Variants in RCOR3 observed in about 807,000 individuals in gnomAD.
The protein encoded by RCOR3 is REST corepressor 3.
A neutral mutation model predicts 64.1 loss-of-function variants in RCOR3; 13 were observed. The ratio of observed to expected loss-of-function variants is 0.20; its 90% CI spans 0.13 to 0.32. The LOEUF (loss-of-function observed/expected upper bound fraction) is 0.32. Among genes scored for constraint, RCOR3 ranks in the 10% least tolerant of loss-of-function variants. The pLI is 1.00. For missense variants in RCOR3, 489 were observed against 701.2 expected (o/e 0.70, Z 3.42); for synonymous variants, 215 against 239.0 (o/e 0.90, Z 0.93).
chr1:211,278,960 G>T (rs1028779151), intron 6 of RCOR3, among the ~76,000 whole-genome samples: 2 of 152,132 alleles, frequency 1.3e-5, no homozygotes, highest in Non-Finnish European at 2.9e-5. Context: ...AGGCTGAGGC[G>T]GGCAGATCAC....
intron 9 of RCOR3, among the ~76,000 whole-genome samples, chr1:211,298,841 C>T (rs1402564465): frequency 1.3e-5 from 2 of 152,046 alleles, no homozygotes; most frequent in East Asian, 1.9e-4. Flanking sequence ...CCTGTCTCTA[C>T]TAAAAATACA....
chr1:211,266,182 T>A (rs1311622817), intron 2 of RCOR3, among the ~76,000 whole-genome samples: 4 of 152,180 alleles, frequency 2.6e-5, no homozygotes, highest in Non-Finnish European at 5.9e-5. Context: ...TAGTACATAT[T>A]AAGTATATAA....
At chr1:211,280,220 A>T (rs1697589109) in intron 7 of RCOR3, among the ~76,000 whole-genome samples, 1 of 152,168 alleles carries the variant, frequency 6.6e-6, no homozygotes, top group South Asian at 2.1e-4. Flanking sequence ...CCCTAAAAAC[A>T]CTTGGCAGAT....
chr1:211,304,977 T>C (rs1164199818), intron 10 of RCOR3, among the ~76,000 whole-genome samples: 1 of 152,220 alleles, frequency 6.6e-6, no homozygotes, highest in Non-Finnish European at 1.5e-5. Flanking sequence ...AATAGCTTTT[T>C]TTTTTAATCT....
At chr1:211,282,695 C>T (rs926720601) in intron 7 of RCOR3, among the ~76,000 whole-genome samples, 1 of 152,018 alleles carries the variant, frequency 6.6e-6, no homozygotes, top group African/African-American at 2.4e-5. Flanking sequence ...AATGGGGTTT[C>T]GCCATGTTGG....
chr1:211,277,106 C>G (rs1330909190), intron 5 of RCOR3, among the ~76,000 whole-genome samples: 3 of 148,864 alleles, frequency 2.0e-5, no homozygotes, highest in Non-Finnish European at 3.0e-5. Context: ...ACAAAAAAAA[C>G]AAAAAAACAA....
intron 7 of RCOR3, among the ~76,000 whole-genome samples, chr1:211,287,570 T>C (rs1037027471): frequency 2.0e-5 from 3 of 152,124 alleles, no homozygotes; most frequent in Admixed American, 2.0e-4. Context: ...CTTCGAGCAA[T>C]TAAGTGGATT....
rs1016243740 is a variant in RCOR3 at position 211,315,463 on chromosome 1, T to A, written c.*1695T>A. On this transcript the variant is annotated 3_prime_UTR_variant, in exon 12 of 12. Coordinates refer to ENST00000419091, the MANE Select transcript of RCOR3 (RefSeq NM_001136223.3). ...TCCTTTTCTTTCTCATTGAATCATC[T>A]TAAATAGTTCTTGGCCCTGAATTTA... is the stretch of plus-strand genomic sequence containing the variant. The A allele has an allele frequency of 6.6e-6, 1 of 152,240 alleles. No individual in the cohort carries two copies. The highest frequency in any genetic ancestry group is 1.5e-5 in the Non-Finnish European group (1 of 68,030). The allele number at this position is 152,240 out of a possible 1,614,324, so 9.4% of individuals were successfully genotyped here. A position where few individuals can be genotyped will look rare whatever the true frequency, so the allele number is the denominator to read the frequency against.
intron 2 of RCOR3, among the ~76,000 whole-genome samples, chr1:211,268,083 A>G (rs1344157573): frequency 1.3e-5 from 2 of 152,140 alleles, no homozygotes; most frequent in African/African-American, 2.4e-5. Flanking sequence ...TCTTTGTTGC[A>G]TTTCGTGTTC....
intron 3 of RCOR3, among the ~76,000 whole-genome samples, chr1:211,273,819 C>T (rs1346813439): frequency 2.0e-5 from 3 of 151,972 alleles, no homozygotes; most frequent in Admixed American, 6.6e-5. Flanking sequence ...TGGATCAACT[C>T]GAAATATGTG....
intron 7 of RCOR3, among the ~76,000 whole-genome samples, chr1:211,288,774 TGC>T (rs1698886736): frequency 6.6e-6 from 1 of 151,948 alleles, no homozygotes; most frequent in Non-Finnish European, 1.5e-5. Flanking sequence ...ATTTCTAAAT[TGC>T]CCCCTTTTTT....
chr1:211,300,987 T>C (rs1311148289), intron 9 of RCOR3, among the ~76,000 whole-genome samples: 1 of 152,102 alleles, frequency 6.6e-6, no homozygotes, highest in Non-Finnish European at 1.5e-5. Flanking sequence ...ACCGAAAAAC[T>C]AGTGGTCCAC....
At chr1:211,300,738 A>T (rs1464667421) in intron 9 of RCOR3, among the ~76,000 whole-genome samples, 1 of 152,246 alleles carries the variant, frequency 6.6e-6, no homozygotes, top group Non-Finnish European at 1.5e-5. Flanking sequence ...ATTTAGCAAT[A>T]GCAAGTGCAG....
intron 9 of RCOR3, 51 bp from the exon 10 acceptor site, chr1:211,304,032 A>G: frequency 3.0e-6 from 4 of 1,339,418 alleles, no homozygotes; most frequent in Non-Finnish European, 3.1e-6. Context: ...AGCGCTTTGG[A>G]AAATGTCTGT....
At chr1:211,294,586 C>CTTTTTTTT (rs35962546) in intron 8 of RCOR3, among the ~76,000 whole-genome samples, 43 of 88,010 alleles carry the variant, frequency 4.9e-4, no homozygotes, top group African/African-American at 1.1e-3. Flanking sequence ...TTCTTTCTTT[C>CTTTTTTTT]TTTTTTTTTT....
Position 211,314,539 on chromosome 1 carries a change from T to A in RCOR3, c.*771T>A, listed in dbSNP as rs1558121150. The A allele has an allele frequency of 6.6e-6, 1 of 152,202 alleles. No homozygotes were observed. The highest frequency in any genetic ancestry group is 1.5e-5 in the Non-Finnish European group (1 of 68,016). 9.4% of individuals were successfully genotyped at this position (152,202 alleles called of 1,614,324 possible). On this transcript the variant is annotated 3_prime_UTR_variant, in exon 12 of 12. Transcript: ENST00000419091. The stretch of plus-strand genomic sequence containing the variant: ...AGAGGATTGGAAGAATAATTTTGCA[T>A]ACAAATGAGGACTTAATTTGTTGAA...
intron 9 of RCOR3, chr1:211,301,893 T>C (rs1700419219): frequency 6.6e-6 from 1 of 152,242 alleles, no homozygotes. Context: ...TCTTTCAGAT[T>C]TAATAAACAT....
intron 2 of RCOR3, among the ~76,000 whole-genome samples, chr1:211,262,868 A>G (rs919543959): frequency 2.0e-5 from 2 of 100,556 alleles, no homozygotes; most frequent in Non-Finnish European, 5.0e-5. Context: ...TTTTTTAAAC[A>G]ACTTTTTTTT....
At chr1:211,306,141 A>T (rs1700831440) in intron 10 of RCOR3, among the ~76,000 whole-genome samples, 1 of 152,134 alleles carries the variant, frequency 6.6e-6, no homozygotes, top group South Asian at 2.1e-4. Flanking sequence ...CCCTATATAA[A>T]ATAGCTATTT....
Sources: allele counts gnomAD v4.1 joint callset (sites outside exome capture counted in the v4.1 genomes callset), GRCh38; gene constraint gnomAD v4.1.1; transcripts MANE v1.5; gene names NCBI Gene and HGNC (gene_info 2026-07-23, HGNC 2026-07-21).